SYNPR: variants seen among roughly 807,000 people sequenced by gnomAD.
SYNPR encodes synaptoporin.
SYNPR carries 23 observed loss-of-function variants against 32.9 expected under a neutral mutation model. The observed-to-expected ratio is 0.70, with a 90% CI of 0.50 to 0.99. The LOEUF (loss-of-function observed/expected upper bound fraction) is 0.99, where lower values mean the gene tolerates loss of function less well. SYNPR is among the 50% of genes least tolerant of loss of function. The probability of loss-of-function intolerance (pLI) is 0.00; values close to 1 mark genes in which losing one functional copy is unlikely to be tolerated. For synonymous variants in SYNPR, 146 were observed against 135.9 expected (o/e 1.07, Z -0.52); for missense variants, 318 against 349.3 (o/e 0.91, Z 0.71).
chr3:63,351,109 G>T (rs570033666), intron 2 of SYNPR, among the ~76,000 whole-genome samples: 1 of 152,082 alleles, frequency 6.6e-6, no homozygotes, highest in African/African-American at 2.4e-5. Flanking sequence ...CCTGATCTTC[G>T]TTGGTTTTAC....
At chr3:63,532,453 C>T (rs1702129181) in intron 3 of SYNPR, among the ~76,000 whole-genome samples, 1 of 152,174 alleles carries the variant, frequency 6.6e-6, no homozygotes, top group Non-Finnish European at 1.5e-5. Context: ...CCTTTCTCTG[C>T]TAAAATAAAG....
chr3:63,567,438 T>C (rs775360845), intron 4 of SYNPR, among the ~76,000 whole-genome samples: 1 of 152,184 alleles, frequency 6.6e-6, no homozygotes, highest in Non-Finnish European at 1.5e-5. Flanking sequence ...AGTTGTGAGA[T>C]CTTCCCCTCC....
chr3:63,458,917 T>G (rs1456122448), intron 2 of SYNPR, among the ~76,000 whole-genome samples: 2 of 152,090 alleles, frequency 1.3e-5, no homozygotes, highest in Non-Finnish European at 2.9e-5. Context: ...CCTGTATTCA[T>G]GTTACACTCT....
chr3:63,479,978 C>A (rs922215920), intron 2 of SYNPR, among the ~76,000 whole-genome samples: 1 of 152,202 alleles, frequency 6.6e-6, no homozygotes, highest in African/African-American at 2.4e-5. Context: ...GTGTTAGGTG[C>A]ATTTGATCGA....
In SYNPR at chr3:63,251,742, A is replaced by T. The variant is rs141839108; in HGVS notation, n.67-757A>T. Among the ~76,000 whole-genome samples the T allele has an allele frequency of 7.3e-3, 1,112 of 152,094 alleles. 7 individuals carry two copies. The highest frequency in any genetic ancestry group is 0.031 in the Middle Eastern group (9 of 294). ...GTGACCGAGGACCAGATAGGACAATACACACCTCTGCATCCGTCTGCTTGG... is the reference window on the plus strand; with the variant it reads ...GTGACCGAGGACCAGATAGGACAATTCACACCTCTGCATCCGTCTGCTTGG... On this transcript the variant is annotated intron_variant and non_coding_transcript_variant, in intron 1 of 4. Transcript: ENST00000478456.
upstream of SYNPR, among the ~76,000 whole-genome samples, chr3:63,275,534 G>A (rs1341078327): frequency 6.6e-6 from 1 of 152,154 alleles, no homozygotes; most frequent in Non-Finnish European, 1.5e-5. Context: ...TGTGAAGAGA[G>A]CCCTGAGGGA....
rs545038262 is a variant in SYNPR, at chr3:63,308,346, ATTTTT to A, written c.84+29606_84+29610del. ...AATTTTATTGACTTAGACATATTTT[ATTTTT>A]TAACAACTCGATTGAGATATAATTG... On this transcript the variant is annotated intron_variant, in intron 2 of 5. Coordinates refer to ENST00000478300, the MANE Select transcript of SYNPR (RefSeq NM_001130003.2). Among the ~76,000 whole-genome samples, 593 of 152,124 alleles carry A rather than the reference ATTTTT, an allele frequency of 3.9e-3. 3 individuals carry two copies. The highest frequency in any genetic ancestry group is 6.8e-3 in the Non-Finnish European group (463 of 67,924).
intron 2 of SYNPR, among the ~76,000 whole-genome samples, chr3:63,347,951 C>A (rs2087459000): frequency 6.6e-6 from 1 of 150,988 alleles, no homozygotes; most frequent in Admixed American, 6.6e-5. Context: ...ATCCAAGCAT[C>A]TGTTGCTGGA....
intron 4 of SYNPR, 131 bp downstream of exon 4, chr3:63,556,872 A>C: frequency 1.1e-6 from 1 of 915,792 alleles, no homozygotes; most frequent in Non-Finnish European, 1.6e-6. Flanking sequence ...TTTTTTATCC[A>C]AATCTCTCGA....
rs1011407131 is a variant in SYNPR at position 63,417,212 on chromosome 3, C to T, written c.85-63620C>T. On this transcript the variant is annotated intron_variant, in intron 2 of 5. Coordinates refer to ENST00000478300, the MANE Select transcript of SYNPR (RefSeq NM_001130003.2). ...CTGGCCCAAAGAAAGGGGCCAGAGG[C>T]CCCATGCAAGTCTAAAATCCAGCAG... 2.0e-5 allele frequency among the ~76,000 whole-genome samples: 3 copies of T among 152,332 alleles called. No homozygotes were observed. In the East Asian group the frequency reaches 5.8e-4, roughly 29 times the overall value.
At chr3:63,201,500 C>A in the SYNPR span, among the ~76,000 whole-genome samples, 10 of 152,190 alleles carry the variant, frequency 6.6e-5, no homozygotes, top group African/African-American at 2.4e-4. Flanking sequence ...ATAAGGATCA[C>A]TAGTAGGATA....
chr3:63,412,378 C>T (rs1340217734), intron 2 of SYNPR, among the ~76,000 whole-genome samples: 4 of 152,094 alleles, frequency 2.6e-5, no homozygotes, highest in African/African-American at 9.7e-5. Context: ...CTGAGCAAAT[C>T]CAGACTCAAG....
intron 2 of SYNPR, among the ~76,000 whole-genome samples, chr3:63,291,778 T>C (rs115273736): frequency 1.6e-3 from 237 of 152,354 alleles, no homozygotes; most frequent in African/African-American, 5.4e-3. Context: ...AGGCTGTGTT[T>C]ACCAGCAACA....
At chr3:63,443,328 G>T in intron 2 of SYNPR, 1 of 1,514,242 alleles carries the variant, frequency 6.6e-7, no homozygotes, top group Non-Finnish European at 8.9e-7. Flanking sequence ...CTCCTCCTTT[G>T]CTTCATAAAA....
chr3:63,239,252 G>A (rs1039229420), intron 1 of SYNPR, among the ~76,000 whole-genome samples: 8 of 111,180 alleles, frequency 7.2e-5, no homozygotes, highest in African/African-American at 1.0e-4. Context: ...AGTGTGACAT[G>A]TGTCACACAC....
chr3:63,522,509 C>G (rs1004166620), intron 3 of SYNPR, among the ~76,000 whole-genome samples: 2 of 152,004 alleles, frequency 1.3e-5, no homozygotes, highest in Non-Finnish European at 2.9e-5. Context: ...TTACTAATCA[C>G]CATTCTTTCA....
intron 2 of SYNPR, among the ~76,000 whole-genome samples, chr3:63,406,485 T>TA (rs780579112): frequency 6.6e-6 from 1 of 151,840 alleles, no homozygotes; most frequent in East Asian, 1.9e-4. Flanking sequence ...TTTTTTTTTT[T>TA]AAATTAAGAA....
At chr3:63,407,605 C>G (rs552509876) in intron 2 of SYNPR, among the ~76,000 whole-genome samples, 1 of 152,130 alleles carries the variant, frequency 6.6e-6, no homozygotes, top group African/African-American at 2.4e-5. Flanking sequence ...TAATATCATA[C>G]AAGTTAAATG....
chr3:63,381,728 A>C (rs1291007161), intron 2 of SYNPR, among the ~76,000 whole-genome samples: 3 of 152,082 alleles, frequency 2.0e-5, no homozygotes, highest in Non-Finnish European at 4.4e-5. Flanking sequence ...AAAGCCTGCC[A>C]TTTTATTTCG....
Sources: gnomAD v4.1 joint callset for allele counts (sites outside exome capture counted in the v4.1 genomes callset) on GRCh38, gnomAD v4.1.1 for gene constraint, MANE v1.5 for transcripts, NCBI Gene and HGNC (gene_info 2026-07-23, HGNC 2026-07-21) for gene names.